The following DLG1 variants were observed in gnomAD, a reference collection of about 807,000 sequenced individuals.
DLG1 encodes disks large homolog 1.
In DLG1, 42 loss-of-function variants were observed where a neutral mutation model predicts 123.4. The ratio of observed to expected loss-of-function variants is 0.34; its 90% CI spans 0.27 to 0.44. The LOEUF (loss-of-function observed/expected upper bound fraction) is 0.44, where lower values mean the gene tolerates loss of function less well. DLG1 is among the 20% of genes least tolerant of loss of function. The pLI is 1.00. For synonymous variants in DLG1, 317 were observed against 356.2 expected, an observed-to-expected ratio of 0.89 and a Z score of 1.24; for missense variants, 942 against 1,082.6, an observed-to-expected ratio of 0.87 and a Z score of 1.82.
At chr3:197,164,812 C>T (rs1222451721) in intron 5 of DLG1, among the ~76,000 whole-genome samples, 2 of 150,668 alleles carry the variant, frequency 1.3e-5, no homozygotes, top group Non-Finnish European at 3.0e-5. Context: ...GTCCCAGCTA[C>T]TCGGGAGGGT....
In DLG1 at chr3:197,294,585, CA is replaced by C. The variant is rs1776475342; in HGVS notation, c.151+1760del. On this transcript the variant is annotated intron_variant, in intron 3 of 24. Transcript: ENST00000667157. The stretch of plus-strand genomic sequence containing the variant: ...AGGCAGGAGAATGGCGTGAACCTGG[CA>C]GGCGGAGCTTGCAGTGAGCGGAGAT... Among the ~76,000 whole-genome samples the C allele has an allele frequency of 2.0e-5, 3 of 147,456 alleles. No homozygotes were observed. The East Asian group carries it at 6.0e-4, about 29-fold the overall frequency.
At chr3:197,186,244 G>A (rs1007920486) in intron 5 of DLG1, among the ~76,000 whole-genome samples, 1 of 152,124 alleles carries the variant, frequency 6.6e-6, no homozygotes, top group African/African-American at 2.4e-5. Context: ...AAGGCGGAAG[G>A]CAACCAACTG....
At chr3:197,157,999 G>T (rs1797086450) in intron 5 of DLG1, among the ~76,000 whole-genome samples, 1 of 152,162 alleles carries the variant, frequency 6.6e-6, no homozygotes, top group Non-Finnish European at 1.5e-5. Context: ...TGATTTCTTG[G>T]ATATGACACA....
chr3:197,297,795 G>C, intron 1 of DLG1: 4 of 985,466 alleles, frequency 4.1e-6, no homozygotes, highest in Non-Finnish European at 4.8e-6. Flanking sequence ...CTGCGGCGCC[G>C]CCACAAAGTT....
intron 15 of DLG1, among the ~76,000 whole-genome samples, chr3:197,089,539 A>C (rs1354000760): frequency 6.6e-6 from 1 of 151,884 alleles, no homozygotes; most frequent in African/African-American, 2.4e-5. Flanking sequence ...AAAAAAAAAA[A>C]AAAACAGAAA....
chr3:197,106,326 A>C (rs544355940), intron 13 of DLG1, among the ~76,000 whole-genome samples: 2 of 152,228 alleles, frequency 1.3e-5, no homozygotes, highest in African/African-American at 4.8e-5. Context: ...GAATCACTTG[A>C]ACCTGGGAGG....
At chr3:197,124,899 T>C (rs1293884131) in intron 11 of DLG1, among the ~76,000 whole-genome samples, 1 of 152,060 alleles carries the variant, frequency 6.6e-6, no homozygotes, top group Non-Finnish European at 1.5e-5. Flanking sequence ...CATGTTCGTG[T>C]GCTGATGGTA....
intron 5 of DLG1, among the ~76,000 whole-genome samples, chr3:197,154,054 G>A (rs1198261553): frequency 6.6e-6 from 1 of 152,090 alleles, no homozygotes; most frequent in Non-Finnish European, 1.5e-5. Context: ...TGTAATCCTA[G>A]CACTTTGGGA....
intron 4 of DLG1, among the ~76,000 whole-genome samples, chr3:197,219,478 CA>C (rs1383702667): frequency 6.6e-6 from 1 of 152,180 alleles, no homozygotes; most frequent in Non-Finnish European, 1.5e-5. Flanking sequence ...AGCCTAGATT[CA>C]AAACCTCTTT....
intron 4 of DLG1, among the ~76,000 whole-genome samples, chr3:197,233,509 C>T (rs954538292): frequency 2.0e-5 from 3 of 152,202 alleles, no homozygotes; most frequent in Admixed American, 2.0e-4. Flanking sequence ...GCCTCAGTCT[C>T]CCAAGTAGCT....
intron 4 of DLG1, among the ~76,000 whole-genome samples, chr3:197,212,029 G>GAAC (rs1731499288): frequency 1.4e-5 from 2 of 146,398 alleles, no homozygotes; most frequent in African/African-American, 4.9e-5. Flanking sequence ...TTATAAGTGG[G>GAAC]AACTAAACGA....
intron 14 of DLG1, among the ~76,000 whole-genome samples, chr3:197,103,147 G>C (rs1055072233): frequency 6.6e-6 from 1 of 152,024 alleles, no homozygotes; most frequent in Non-Finnish European, 1.5e-5. Context: ...CCCTCTTTCC[G>C]TGTGGCTTCT....
intron 5 of DLG1, among the ~76,000 whole-genome samples, chr3:197,158,200 A>C (rs1187573391): frequency 6.6e-6 from 1 of 152,206 alleles, no homozygotes; most frequent in Non-Finnish European, 1.5e-5. Context: ...TCACAAATGC[A>C]AGTCAAAACT....
At chr3:197,191,034 C>A (rs556150654) in intron 5 of DLG1, among the ~76,000 whole-genome samples, 19 of 151,460 alleles carry the variant, frequency 1.3e-4, no homozygotes, top group Non-Finnish European at 2.5e-4. Context: ...AAAACAACAA[C>A]AGAAAGGGGG....
At chr3:197,045,441 A>C (rs182922461) in intron 24 of DLG1, among the ~76,000 whole-genome samples, 18 of 152,308 alleles carry the variant, frequency 1.2e-4, no homozygotes, top group African/African-American at 3.6e-4. Context: ...CTTTTTAAGA[A>C]AGAAAGAAAA....
chr3:197,169,622 A>G (rs796804579), intron 5 of DLG1, among the ~76,000 whole-genome samples: 23 of 152,356 alleles, frequency 1.5e-4, no homozygotes, highest in African/African-American at 4.8e-4. Flanking sequence ...CTTTCATAGC[A>G]TAAGATGCAA....
At chr3:197,287,668 A>G (rs1367641242) in intron 3 of DLG1, among the ~76,000 whole-genome samples, 1 of 152,250 alleles carries the variant, frequency 6.6e-6, no homozygotes, top group East Asian at 1.9e-4. Context: ...CAGATAATTT[A>G]CAAAAGAAAT....
At chr3:197,273,154 G>A (rs1269206354) in intron 4 of DLG1, among the ~76,000 whole-genome samples, 1 of 151,600 alleles carries the variant, frequency 6.6e-6, no homozygotes, top group Non-Finnish European at 1.5e-5. Flanking sequence ...TCAATGTTTA[G>A]AGGACTTCAG....
intron 23 of DLG1, among the ~76,000 whole-genome samples, chr3:197,054,647 T>G (rs1007374107): frequency 2.0e-5 from 3 of 152,126 alleles, no homozygotes; most frequent in Non-Finnish European, 4.4e-5. Context: ...CATCTTTTTT[T>G]TCCTTTATCT....
Sources: gnomAD v4.1 joint callset for allele counts (sites outside exome capture counted in the v4.1 genomes callset) on GRCh38, gnomAD v4.1.1 for gene constraint, MANE v1.5 for transcripts, NCBI Gene and HGNC (gene_info 2026-07-23, HGNC 2026-07-21) for gene names.